GRID1: variants seen among roughly 807,000 people sequenced by gnomAD.
GRID1 encodes the protein glutamate receptor ionotropic, delta-1.
A neutral mutation model predicts 98.0 loss-of-function variants in GRID1; 28 were observed. The ratio of observed to expected loss-of-function variants is 0.29; its 90% confidence interval spans 0.21 to 0.39. GRID1 has a LOEUF of 0.39. Ranked by LOEUF, GRID1 falls within the 10% of genes least tolerant of loss-of-function variation. The pLI, the probability that GRID1 is intolerant of heterozygous loss-of-function variation, is 1.00. For synonymous variants in GRID1, 553 were observed against 538.5 expected (o/e 1.03, Z -0.37); for missense variants, 1,111 against 1,340.5 (o/e 0.83, Z 2.67).
chr10:85,979,731 G>T (rs1490039847), intron 4 of GRID1, among the ~76,000 whole-genome samples: 1 of 152,164 alleles, frequency 6.6e-6, no homozygotes, highest in Non-Finnish European at 1.5e-5. Context: ...TTTTGGGATG[G>T]GACATAACTC....
chr10:85,762,379 C>G (rs1052938493), intron 8 of GRID1, among the ~76,000 whole-genome samples: 1 of 152,186 alleles, frequency 6.6e-6, no homozygotes, highest in African/African-American at 2.4e-5. Context: ...TAACCAAGAT[C>G]CCCAATGAAC....
intron 3 of GRID1, among the ~76,000 whole-genome samples, chr10:86,158,653 A>C (rs539732719): frequency 6.6e-6 from 1 of 152,318 alleles, no homozygotes; most frequent in East Asian, 1.9e-4. Flanking sequence ...GGAGACACTG[A>C]AACATGGCTG....
At chr10:86,237,177 G>A (rs1846552890) in intron 2 of GRID1, among the ~76,000 whole-genome samples, 2 of 152,130 alleles carry the variant, frequency 1.3e-5, no homozygotes, top group South Asian at 4.1e-4. Flanking sequence ...GCTGAACTGT[G>A]TCTCCCTTAA....
chr10:85,799,672 A>G (rs1203527210), intron 8 of GRID1, among the ~76,000 whole-genome samples: 2 of 152,018 alleles, frequency 1.3e-5, no homozygotes, highest in Non-Finnish European at 2.9e-5. Flanking sequence ...AGCCAATCTC[A>G]TAGGAGTAGA....
chr10:86,102,328 A>C (rs1277746226), intron 4 of GRID1, among the ~76,000 whole-genome samples: 1 of 152,246 alleles, frequency 6.6e-6, no homozygotes, highest in East Asian at 1.9e-4. Flanking sequence ...AAGTAATCAG[A>C]ATCCAGACAC....
At chr10:86,070,111 G>T (rs970471659) in intron 4 of GRID1, among the ~76,000 whole-genome samples, 2 of 152,202 alleles carry the variant, frequency 1.3e-5, no homozygotes, top group Non-Finnish European at 2.9e-5. Flanking sequence ...GATGTGGAAT[G>T]GAAAGCCGAT....
In GRID1 at chr10:86,138,947, T is replaced by C. The variant is rs1247221060; in HGVS notation, c.598A>G (p.Asn200Asp). 23 of 1,613,986 alleles carry C rather than the reference T, an allele frequency of 1.4e-5. No homozygotes were observed. Among genetic ancestry groups the C allele is most frequent in the Non-Finnish European group, 1.8e-5 (21 of 1,179,812 alleles). ...LDVSLQKVDK[N>D]ISHVFTSLFT... ...AGGCTGGTGAATACGTGGCTAATGT[T>C]CTTGTCCACCTTTTGTAAAGAGACG... Residue 200 changes from asparagine to aspartate, a missense_variant, in exon 4 of 16, where the codon AAC becomes GAC. Physicochemically the swap from Asn to Asp is conservative, Grantham distance 23. Around this residue, in one of 3 missense-constraint regions of GRID1, gnomAD observed 346 missense variants for 452.3 expected, o/e 0.76. Coordinates refer to ENST00000327946, the MANE Select transcript of GRID1 (RefSeq NM_017551.3).
intron 4 of GRID1, among the ~76,000 whole-genome samples, chr10:86,047,442 C>T (rs1278911531): frequency 3.3e-5 from 5 of 152,160 alleles, no homozygotes. Context: ...GCAATTATTC[C>T]CAGTGAATGG....
chr10:85,988,658 T>C (rs1404788474), intron 4 of GRID1, among the ~76,000 whole-genome samples: 1 of 152,112 alleles, frequency 6.6e-6, no homozygotes, highest in African/African-American at 2.4e-5. Context: ...TGGGTTTCTG[T>C]CCCCGGGGTG....
intron 2 of GRID1, among the ~76,000 whole-genome samples, chr10:86,344,365 C>T (rs1848353257): frequency 6.6e-6 from 1 of 152,226 alleles, no homozygotes; most frequent in African/African-American, 2.4e-5. Flanking sequence ...CAATAAGAGG[C>T]AGAAGAGGGA....
intron 8 of GRID1, among the ~76,000 whole-genome samples, chr10:85,850,322 T>C (rs971056481): frequency 6.6e-6 from 1 of 152,204 alleles, no homozygotes. Flanking sequence ...AGGCAAGTCA[T>C]GCTTGTGGAG....
intron 8 of GRID1, among the ~76,000 whole-genome samples, chr10:85,823,031 C>A (rs138032989): frequency 8.5e-5 from 13 of 152,196 alleles, no homozygotes; most frequent in Non-Finnish European, 1.8e-4. Context: ...CACACCAGGG[C>A]CTGTCATGAG....
intron 4 of GRID1, among the ~76,000 whole-genome samples, chr10:85,955,106 T>C (rs1258322212): frequency 1.3e-5 from 2 of 152,272 alleles, no homozygotes; most frequent in East Asian, 3.9e-4. Context: ...AACCACCGGA[T>C]TCCCCCTGGG....
intron 3 of GRID1, among the ~76,000 whole-genome samples, chr10:86,174,523 T>TA (rs1455843801): frequency 3.3e-5 from 5 of 151,858 alleles, no homozygotes; most frequent in Non-Finnish European, 5.9e-5. Context: ...ACATTAGACC[T>TA]AAAACCATAA....
chr10:86,326,352 T>C (rs1431638216), intron 2 of GRID1, among the ~76,000 whole-genome samples: 1 of 152,234 alleles, frequency 6.6e-6, no homozygotes, highest in African/African-American at 2.4e-5. Context: ...TATATTTTCA[T>C]GTATAATTGC....
chr10:86,253,598 G>T (rs760695612), intron 2 of GRID1, among the ~76,000 whole-genome samples: 1 of 152,120 alleles, frequency 6.6e-6, no homozygotes, highest in Non-Finnish European at 1.5e-5. Context: ...GCCAGGCCCT[G>T]AAGCTCCACC....
At chr10:86,046,792 G>A (rs1316200301) in intron 4 of GRID1, among the ~76,000 whole-genome samples, 2 of 149,002 alleles carry the variant, frequency 1.3e-5, no homozygotes, top group Non-Finnish European at 3.0e-5. Context: ...GATCACTTAT[G>A]TGCAATCTCT....
chr10:85,678,652 C>T (rs1456767506), intron 12 of GRID1, among the ~76,000 whole-genome samples: 7 of 152,172 alleles, frequency 4.6e-5, no homozygotes, highest in Non-Finnish European at 8.8e-5. Context: ...ATCAGCCCTT[C>T]TTTACCTTGC....
chr10:85,882,196 A>C, intron 5 of GRID1, among the ~76,000 whole-genome samples: 1 of 152,318 alleles, frequency 6.6e-6, no homozygotes, highest in Middle Eastern at 3.4e-3. Flanking sequence ...TAGTTCAACC[A>C]TTGTGGAAGT....
Sources: allele counts gnomAD v4.1 joint callset (sites outside exome capture counted in the v4.1 genomes callset), GRCh38; gene constraint gnomAD v4.1.1; regional missense constraint gnomAD v4.1.1; transcripts MANE v1.5; gene names NCBI Gene and HGNC (gene_info 2026-07-23, HGNC 2026-07-21).